The following FAM186A variants were observed in gnomAD, a reference collection of about 807,000 sequenced individuals.
FAM186A encodes the protein family with sequence similarity 186 member A, also known as protein FAM186A.
FAM186A carries 163 observed loss-of-function variants against 216.8 expected under a neutral mutation model. That is an observed-to-expected ratio of 0.75 (90% confidence interval 0.66 to 0.86). The LOEUF (loss-of-function observed/expected upper bound fraction) is 0.86. Ranked by LOEUF, FAM186A falls within the 40% of genes least tolerant of loss-of-function variation. FAM186A has a pLI of 0.00. For synonymous variants in FAM186A, 805 were observed against 1,025.3 expected (o/e 0.79, Z 4.10); for missense variants, 2,184 against 2,746.2 (o/e 0.80, Z 4.58).
chr12:50,360,527 A>G (rs1185500448), intron 3 of FAM186A, among the ~76,000 whole-genome samples: 1 of 151,016 alleles, frequency 6.6e-6, no homozygotes, highest in Admixed American at 6.6e-5. Flanking sequence ...TCTACTAAAA[A>G]TACAAAAATT....
At chr12:50,348,121 T>A (rs1051007925) in intron 4 of FAM186A, among the ~76,000 whole-genome samples, 1 of 142,966 alleles carries the variant, frequency 7.0e-6, no homozygotes, top group Non-Finnish European at 1.5e-5. Flanking sequence ...CTCTGCTCAC[T>A]GCAACCTCCA....
intron 1 of FAM186A, among the ~76,000 whole-genome samples, chr12:50,374,952 C>A (rs1943183063): frequency 6.6e-6 from 1 of 151,886 alleles, no homozygotes; most frequent in Non-Finnish European, 1.5e-5. Context: ...CCAAGGCTGG[C>A]AGGTCACTTG....
chr12:50,379,053 C>G (rs975940396), intron 1 of FAM186A, among the ~76,000 whole-genome samples: 20 of 152,218 alleles, frequency 1.3e-4, no homozygotes, highest in Non-Finnish European at 2.8e-4. Flanking sequence ...GCCTGTAATC[C>G]CAGCACTTTG....
chr12:50,390,213 G>A (rs906068260), intron 1 of FAM186A, among the ~76,000 whole-genome samples: 10 of 152,202 alleles, frequency 6.6e-5, no homozygotes, highest in Admixed American at 6.6e-4. Context: ...CTCAGAGCCA[G>A]TGCCCAGTAG....
At chr12:50,364,401 A>G (rs996704311) in intron 1 of FAM186A, among the ~76,000 whole-genome samples, 2 of 151,638 alleles carry the variant, frequency 1.3e-5, no homozygotes, top group African/African-American at 4.8e-5. Context: ...AAAAAAAAAT[A>G]CAAAAAATTA....
At chr12:50,373,817 T>A (rs1424308028) in intron 1 of FAM186A, among the ~76,000 whole-genome samples, 1 of 152,090 alleles carries the variant, frequency 6.6e-6, no homozygotes, top group Admixed American at 6.6e-5. Context: ...ACCCAAGGGA[T>A]TATAAATCAT....
chr12:50,373,005 A>G (rs1423928116), intron 1 of FAM186A, among the ~76,000 whole-genome samples: 1 of 53,374 alleles, frequency 1.9e-5, no homozygotes, highest in Non-Finnish European at 3.7e-5. Context: ...GAATGAAAGA[A>G]AGAAAGAAAG....
chr12:50,379,267 C>T (rs1365812562), intron 1 of FAM186A, among the ~76,000 whole-genome samples: 1 of 151,736 alleles, frequency 6.6e-6, no homozygotes, highest in South Asian at 2.1e-4. Flanking sequence ...GGTGAAACCC[C>T]GTCTCTACTA....
intron 4 of FAM186A, among the ~76,000 whole-genome samples, chr12:50,339,063 G>A (rs957810249): frequency 2.6e-5 from 4 of 151,938 alleles, no homozygotes; most frequent in African/African-American, 9.7e-5. Flanking sequence ...TGCCCAGGCT[G>A]GAGTGTAGTG....
intron 3 of FAM186A, among the ~76,000 whole-genome samples, chr12:50,358,039 G>A (rs1056723595): frequency 1.3e-5 from 2 of 151,966 alleles, no homozygotes; most frequent in Non-Finnish European, 2.9e-5. Context: ...TTTCCCAATT[G>A]CAATGGAATC....
At chr12:50,346,237 A>AAAAGAAAGAAAG (rs1555215380) in intron 4 of FAM186A, among the ~76,000 whole-genome samples, 3 of 102,182 alleles carry the variant, frequency 2.9e-5, no homozygotes, top group African/African-American at 1.0e-4. Context: ...AAGAAAGAAA[A>AAAAGAAAGAAAG]AAAGAAAGAA....
intron 4 of FAM186A, among the ~76,000 whole-genome samples, chr12:50,342,506 G>T (rs12830155): frequency 0.33 from 48,063 of 147,322 alleles, 7,946 homozygotes; most frequent in South Asian, 0.48. Context: ...AGAGAGTCTC[G>T]CTCTGTTGCC....
In FAM186A at chr12:50,365,573, A is replaced by G. The variant is rs1047618753; in HGVS notation, c.193-2209T>C. ...GCTTCAGACAAACTGAACTTTCTCT[A>G]CAGTCCGTATAATAAGAGTAAGATA... On this transcript the variant is annotated intron_variant, in intron 1 of 7. Transcript: ENST00000327337. The G allele has an allele frequency of 1.2e-5, 5 of 414,100 alleles. No individual in the cohort carries two copies. In the Admixed American group the frequency reaches 1.6e-4, roughly 13 times the overall value. The allele number at this position is 414,100 out of a possible 1,614,324, so 25.7% of individuals were successfully genotyped here.
rs375166540 is a variant in FAM186A, at chr12:50,385,083, A to G, written c.192+11210T>C. Among the ~76,000 whole-genome samples, 6 of 149,456 alleles carry G rather than the reference A, an allele frequency of 4.0e-5. No individual in the cohort carries two copies. The East Asian group carries it at 8.4e-4, about 21-fold the overall frequency. ...GCCTCCCAAAGTGCTGGGATTACAG[A>G]CATGAGCCACCATGCCCAGCCTGGA... On this transcript the variant is annotated intron_variant, in intron 1 of 7. Transcript: ENST00000327337.
At chr12:50,377,250 A>G (rs1229657286) in intron 1 of FAM186A, among the ~76,000 whole-genome samples, 3 of 152,244 alleles carry the variant, frequency 2.0e-5, no homozygotes, top group Non-Finnish European at 2.9e-5. Flanking sequence ...AAGGACTCAC[A>G]TACATGTGGT....
chr12:50,354,955 T>G lies in FAM186A; in HGVS notation c.1877A>C (p.Glu626Ala). The G allele has an allele frequency of 6.5e-7, 1 of 1,550,078 alleles. No homozygotes were observed. The highest frequency in any genetic ancestry group is 1.7e-4 in the Middle Eastern group (1 of 5,984). Residue 626 changes from glutamate to alanine, a missense_variant, in exon 4 of 8, where the codon GAG becomes GCG. Physicochemically the swap from Glu to Ala is moderately radical, Grantham distance 107 (BLOSUM62 -1). Transcript: ENST00000327337. ...TITSKEEKTE[E>A]KEELTKQVKS... ...GACTTGTTTGGTCAACTCTTCCTTCTCTTCAGTTTTTTCTTCTTTGCTTGT... is the reference window on the plus strand; with the variant it reads ...GACTTGTTTGGTCAACTCTTCCTTCGCTTCAGTTTTTTCTTCTTTGCTTGT...
intron 4 of FAM186A, among the ~76,000 whole-genome samples, chr12:50,342,987 C>G (rs1239557514): frequency 1.3e-5 from 2 of 148,488 alleles, no homozygotes; most frequent in Non-Finnish European, 3.0e-5. Flanking sequence ...CAGTGGCTGA[C>G]AACTGTAATC....
intron 3 of FAM186A, among the ~76,000 whole-genome samples, chr12:50,359,756 A>G (rs141313396): frequency 6.6e-6 from 1 of 152,308 alleles, no homozygotes; most frequent in Admixed American, 6.5e-5. Context: ...TTTCAAAAAC[A>G]TTATGCTAGT....
Position 50,351,474 on chromosome 12 carries a change from A to G in FAM186A, c.5358T>C (p.Pro1786=). 6.8e-7 allele frequency: 1 copy of G among 1,480,288 alleles called. No homozygotes were observed. Among genetic ancestry groups the G allele is most frequent in the Non-Finnish European group, 8.9e-7 (1 of 1,117,766 alleles). The allele number at this position is 1,480,288 out of a possible 1,614,324, so 91.7% of individuals were successfully genotyped here. A position where few individuals can be genotyped will look rare whatever the true frequency, so the allele number is the denominator to read the frequency against. The change falls in exon 4 of 8, where the codon CCT becomes CCC. Residue 1786 remains proline, a synonymous_variant. Transcript: ENST00000327337. ...KPLEMGILSE[P]GKLGAPQTLR... ...GAGTCTGTGGTGCCCCAAGCTTCCCAGGCTCAGAAAGAATCCCCATTTCTA... is the reference window on the plus strand; with the variant it reads ...GAGTCTGTGGTGCCCCAAGCTTCCCGGGCTCAGAAAGAATCCCCATTTCTA...
Sources: allele counts gnomAD v4.1 joint callset (sites outside exome capture counted in the v4.1 genomes callset), GRCh38; gene constraint gnomAD v4.1.1; transcripts MANE v1.5; gene names NCBI Gene and HGNC (gene_info 2026-07-23, HGNC 2026-07-21).